The following SRGAP3 variants were observed in gnomAD, a reference collection of about 807,000 sequenced individuals.
SRGAP3 encodes SLIT-ROBO Rho GTPase activating protein 3.
SRGAP3 carries 39 observed loss-of-function variants against 121.1 expected under a neutral mutation model. That is an observed-to-expected ratio of 0.32 (90% CI 0.25 to 0.42). The LOEUF (loss-of-function observed/expected upper bound fraction) is 0.42. Ranked by LOEUF, SRGAP3 falls within the 10% of genes least tolerant of loss-of-function variation. The probability of loss-of-function intolerance (pLI) is 1.00; values close to 1 mark genes in which losing one functional copy is unlikely to be tolerated. For synonymous variants in SRGAP3, 601 were observed against 570.0 expected (o/e 1.05, Z -0.77); for missense variants, 1,213 against 1,470.6 (o/e 0.82, Z 2.86).
chr3:9,330,758 G>A (rs981803155), intron 1 of SRGAP3, among the ~76,000 whole-genome samples: 2 of 152,146 alleles, frequency 1.3e-5, no homozygotes, highest in African/African-American at 2.4e-5. Context: ...GTAAAGTGAC[G>A]TACAGGAATC....
chr3:9,176,004 C>G (rs930036495), intron 1 of SRGAP3, among the ~76,000 whole-genome samples: 1 of 152,202 alleles, frequency 6.6e-6, no homozygotes, highest in African/African-American at 2.4e-5. Context: ...TCACTGCAAA[C>G]TCCGCCTCCT....
rs556647850 is a variant in SRGAP3 at position 9,108,400 on chromosome 3, T to C, written c.261-3558A>G. On this transcript the variant is annotated intron_variant, in intron 2 of 21. Transcript: ENST00000383836. Reference sequence around the variant, plus strand: ...TGGGAGGCTGAGGTAGGAGGATCACTTGAGTCCAGGAGTTCAAGACCAGCC... The same window carrying C: ...TGGGAGGCTGAGGTAGGAGGATCACCTGAGTCCAGGAGTTCAAGACCAGCC... Among the ~76,000 whole-genome samples the C allele has an allele frequency of 4.3e-4, 66 of 152,218 alleles. No homozygotes were observed. In the East Asian group the frequency reaches 0.012, roughly 27 times the overall value.
intron 5 of SRGAP3, 149 bp from the exon 6 acceptor site, chr3:9,060,508 C>T: frequency 9.2e-7 from 1 of 1,084,484 alleles, no homozygotes; most frequent in South Asian, 1.5e-5. Flanking sequence ...CTCACTTCAG[C>T]CTTAACTCCT....
chr3:9,147,555 C>T (rs1214811550), intron 1 of SRGAP3, among the ~76,000 whole-genome samples: 1 of 152,090 alleles, frequency 6.6e-6, no homozygotes, highest in Non-Finnish European at 1.5e-5. Context: ...GCCACCTCAG[C>T]TTGTCACTCA....
chr3:9,253,998 C>T (rs560727029), upstream of SRGAP3, among the ~76,000 whole-genome samples: 1 of 152,294 alleles, frequency 6.6e-6, no homozygotes, highest in African/African-American at 2.4e-5. Flanking sequence ...GAAAAGCTGA[C>T]AAATTCAACC....
chr3:9,326,343 A>G (rs578075306), intron 2 of SRGAP3, among the ~76,000 whole-genome samples: 2 of 152,056 alleles, frequency 1.3e-5, no homozygotes, highest in South Asian at 4.1e-4. Flanking sequence ...CCCTTTATAA[A>G]TGTTTAAATG....
intron 3 of SRGAP3, among the ~76,000 whole-genome samples, chr3:9,095,526 GCTCTT>G (rs1947932495): frequency 6.6e-6 from 1 of 152,108 alleles, no homozygotes; most frequent in Non-Finnish European, 1.5e-5. Context: ...TATAAAATTA[GCTCTT>G]ACAAATAATA....
intron 11 of SRGAP3, chr3:9,036,784 GC>G (rs1944766287): frequency 6.6e-6 from 1 of 152,164 alleles, no homozygotes; most frequent in African/African-American, 2.4e-5. Context: ...GTAAAATACA[GC>G]TTCTGTTGTT....
At chr3:9,251,566 A>G (rs1954019122), upstream of SRGAP3, among the ~76,000 whole-genome samples, 1 of 152,210 alleles carries the variant, frequency 6.6e-6, no homozygotes, top group African/African-American at 2.4e-5. Flanking sequence ...CCTTGAGCTC[A>G]TGAGAACTTG....
intron 1 of SRGAP3, among the ~76,000 whole-genome samples, chr3:9,209,718 G>A (rs1024494330): frequency 2.0e-5 from 3 of 152,150 alleles, no homozygotes; most frequent in African/African-American, 4.8e-5. Flanking sequence ...CCAAAAAGTT[G>A]AAAACCAAGT....
At position 9,066,774 on chromosome 3, in the gene SRGAP3, C is replaced by T. The variant is rs571238045; in HGVS notation, c.487-2193G>A. ...TTGACCTCCCAAAGTGTTAAGATTACAGGCGTGAGCCACCACGCCCAGGCT... is the reference window on the plus strand; with the variant it reads ...TTGACCTCCCAAAGTGTTAAGATTATAGGCGTGAGCCACCACGCCCAGGCT... On this transcript the variant is annotated intron_variant, in intron 4 of 21. Transcript: ENST00000383836. 7.2e-5 allele frequency among the ~76,000 whole-genome samples: 11 copies of T among 152,360 alleles called. 1 individual carries two copies. In the South Asian group the frequency reaches 2.3e-3, roughly 32 times the overall value.
At chr3:9,035,934 T>C (rs2125103015) in intron 11 of SRGAP3, 1 of 152,442 alleles carries the variant, frequency 6.6e-6, no homozygotes, top group East Asian at 1.9e-4. Context: ...TCTCAAGTGA[T>C]TTCACCTCTA....
chr3:9,056,367 C>T (rs764658457), intron 7 of SRGAP3, 33 bp from the exon 8 acceptor site: 3 of 1,604,172 alleles, frequency 1.9e-6, no homozygotes, highest in South Asian at 1.1e-5. Context: ...CTGTGGTTGC[C>T]CTGTGCCCTC....
chr3:9,030,509 G>A lies in SRGAP3; in HGVS notation c.1539+2141C>T, dbSNP rs558966262. Among the ~76,000 whole-genome samples, 8 of 152,290 alleles carry A rather than the reference G, an allele frequency of 5.3e-5. No homozygotes were observed. The South Asian group carries it at 1.7e-3, about 32-fold the overall frequency. ...AGGCCATGCTCCAGGCTCTAAAGAA[G>A]ATTGACCAAAGCAGCTGCAGCAATG... On this transcript the variant is annotated intron_variant, in intron 12 of 21. Transcript: ENST00000383836.
chr3:9,031,053 CA>C (rs1944457099), intron 12 of SRGAP3, among the ~76,000 whole-genome samples: 1 of 152,290 alleles, frequency 6.6e-6, no homozygotes, highest in Admixed American at 6.5e-5. Flanking sequence ...AGGCTCAAGC[CA>C]TCCTCCCACC....
In SRGAP3 at chr3:9,023,538, G is replaced by C. The variant is rs1944029039; in HGVS notation, c.1678+1723C>G. On this transcript the variant is annotated intron_variant, in intron 14 of 21. Transcript: ENST00000383836. ...CAAGGAAACCTTCCCTGGCTTTGCTGTTCCTCCCCACTCCATCCAGGCTGG... is the reference window on the plus strand; with the variant it reads ...CAAGGAAACCTTCCCTGGCTTTGCTCTTCCTCCCCACTCCATCCAGGCTGG... Among the ~76,000 whole-genome samples, 4 of 152,082 alleles carry C rather than the reference G, an allele frequency of 2.6e-5. No individual in the cohort carries two copies. In the South Asian group the frequency reaches 8.3e-4, roughly 31 times the overall value.
chr3:9,302,373 C>T (rs540892400), intron 3 of SRGAP3, among the ~76,000 whole-genome samples: 1 of 152,194 alleles, frequency 6.6e-6, no homozygotes, highest in Non-Finnish European at 1.5e-5. Flanking sequence ...AACACTCGCT[C>T]TACTCCTAGA....
At chr3:9,046,051 G>C (rs1945261476) in intron 10 of SRGAP3, among the ~76,000 whole-genome samples, 1 of 151,952 alleles carries the variant, frequency 6.6e-6, no homozygotes, top group Non-Finnish European at 1.5e-5. Flanking sequence ...TGAAATGTCG[G>C]GATGGGTAAA....
intron 3 of SRGAP3, among the ~76,000 whole-genome samples, chr3:9,088,744 A>C (rs897651678): frequency 1.8e-4 from 28 of 151,976 alleles, no homozygotes; most frequent in African/African-American, 6.8e-4. Context: ...GAGCATCTGG[A>C]TGCTTTCCCA....
Sources: gnomAD v4.1 joint callset for allele counts (sites outside exome capture counted in the v4.1 genomes callset) on GRCh38, gnomAD v4.1.1 for gene constraint, MANE v1.5 for transcripts, NCBI Gene and HGNC (gene_info 2026-07-23, HGNC 2026-07-21) for gene names.